UBE4B: variants seen among roughly 807,000 people sequenced by gnomAD.
UBE4B encodes ubiquitin conjugation factor E4 B.
In UBE4B, 27 loss-of-function variants were observed where a neutral mutation model predicts 148.1. The ratio of observed to expected loss-of-function variants is 0.18; its 90% CI spans 0.13 to 0.25. The LOEUF is 0.25. UBE4B is among the 10% of genes least tolerant of loss of function. UBE4B has a pLI of 1.00. For synonymous variants in UBE4B, 596 were observed against 619.3 expected, an observed-to-expected ratio of 0.96 and a Z score of 0.56; for missense variants, 1,170 against 1,662.4, an observed-to-expected ratio of 0.70 and a Z score of 5.15.
At chr1:10,107,263 C>G (rs1645129372) in intron 7 of UBE4B, 1 of 1,289,492 alleles carries the variant, frequency 7.8e-7, no homozygotes, top group Admixed American at 2.3e-5. Flanking sequence ...CTCGCACTTT[C>G]TGGGGACAGT....
chr1:10,089,259 C>G (rs1644810883), intron 2 of UBE4B, among the ~76,000 whole-genome samples: 1 of 152,164 alleles, frequency 6.6e-6, no homozygotes, highest in Non-Finnish European at 1.5e-5. Context: ...CCCACCTTAG[C>G]CTCCCAAAGT....
At chr1:10,124,959 C>G (rs1240214305) in intron 10 of UBE4B, among the ~76,000 whole-genome samples, 2 of 152,118 alleles carry the variant, frequency 1.3e-5, no homozygotes, top group Non-Finnish European at 2.9e-5. Flanking sequence ...AACCCCATCT[C>G]TACTCAAAAT....
chr1:10,090,283 C>T (rs1644825500), intron 2 of UBE4B, among the ~76,000 whole-genome samples: 1 of 152,078 alleles, frequency 6.6e-6, no homozygotes, highest in Non-Finnish European at 1.5e-5. Context: ...TCACGCTTGG[C>T]TCATTTTTGT....
rs551120622 is a variant in UBE4B at position 10,144,973 on chromosome 1, A to G, written c.2397A>G (p.Gln799=). Residue 799 remains glutamine (Q), a synonymous_variant, in exon 18 of 28, where the codon CAA becomes CAG. Coordinates refer to ENST00000343090, the MANE Select transcript of UBE4B (RefSeq NM_001105562.3). ...AAGATTTGAAAAATAATGAAAGCCA[A>G]TGGAAAGATTCCCCACTGGCAACTA... ...TVEDLKNNES[Q]WKDSPLATRH... The G allele has an allele frequency of 3.1e-6, 5 of 1,613,888 alleles. No individual in the cohort carries two copies. Among genetic ancestry groups the G allele is most frequent in the Non-Finnish European group, 4.2e-6 (5 of 1,179,894 alleles).
chr1:10,033,703 G>A lies in UBE4B; in HGVS notation c.24+9G>A. 2 of 1,564,638 alleles carry A rather than the reference G, an allele frequency of 1.3e-6. No homozygotes were observed. The highest frequency in any genetic ancestry group is 1.9e-5 in the Admixed American group (1 of 52,536). ...AGCTGAGCGCTGATGAGGTGAGGAG[G>A]TTGGGGGACACCTTGAGGGATTAGT... On this transcript the variant is annotated intron_variant, in intron 1 of 27. Transcript: ENST00000343090.
chr1:10,112,895 A>T (rs565120518), intron 7 of UBE4B, among the ~76,000 whole-genome samples: 1 of 152,282 alleles, frequency 6.6e-6, no homozygotes, highest in African/African-American at 2.4e-5. Context: ...TAATTTTGAA[A>T]CACATTGACA....
chr1:10,141,393 G>A (rs1442275867), intron 17 of UBE4B, among the ~76,000 whole-genome samples: 1 of 152,044 alleles, frequency 6.6e-6, no homozygotes, highest in Admixed American at 6.6e-5. Context: ...GTGGTTTGGG[G>A]TCATGAGCCA....
intron 16 of UBE4B, among the ~76,000 whole-genome samples, chr1:10,135,920 CTGT>C (rs1006026475): frequency 1.3e-4 from 19 of 151,996 alleles, no homozygotes; most frequent in African/African-American, 3.9e-4. Flanking sequence ...AAATATAATA[CTGT>C]TGTTCTCAAT....
rs1197894051 is a variant in UBE4B at position 10,161,700 on chromosome 1, T to A, written c.3198+414T>A. Among the ~76,000 whole-genome samples, 1 of 152,122 alleles carries A rather than the reference T, an allele frequency of 6.6e-6. No individual in the cohort carries two copies. Among genetic ancestry groups the A allele is most frequent in the African/African-American group, 2.4e-5 (1 of 41,416 alleles). ...AATCACTCAGGATCCTGGCGGGGTG[T>A]TTTTTCCCTTTCAGTTGATCTTGGG... is the stretch of plus-strand genomic sequence containing the variant. On this transcript the variant is annotated intron_variant, in intron 23 of 27. Coordinates refer to ENST00000343090, the MANE Select transcript of UBE4B (RefSeq NM_001105562.3). This position sits in a 1 kb window ranked among gnomAD's most constrained non-coding sequence, Gnocchi z 4.1.
intron 25 of UBE4B, among the ~76,000 whole-genome samples, chr1:10,175,592 A>C (rs1333614639): frequency 6.6e-6 from 1 of 152,120 alleles, no homozygotes. Context: ...TGGAGCTTGC[A>C]GTGAGCCGAG....
intron 10 of UBE4B, among the ~76,000 whole-genome samples, chr1:10,125,122 T>A (rs1421519509): frequency 6.6e-6 from 1 of 152,006 alleles, no homozygotes; most frequent in African/African-American, 2.4e-5. Context: ...TGAAATTGTG[T>A]CTGGAAAAAA....
chr1:10,143,399 TA>T (rs142948257), intron 17 of UBE4B, among the ~76,000 whole-genome samples: 3,126 of 148,402 alleles, frequency 0.021, 100 homozygotes, highest in African/African-American at 0.071. Flanking sequence ...AGGCTCAGTC[TA>T]AAAAAAAAAG....
At chr1:10,148,833 G>A (rs772885179) in intron 19 of UBE4B, among the ~76,000 whole-genome samples, 6 of 151,790 alleles carry the variant, frequency 4.0e-5, no homozygotes, top group Non-Finnish European at 7.4e-5. Flanking sequence ...TCAGCTATTC[G>A]GGAGGCTGAG....
intron 2 of UBE4B, among the ~76,000 whole-genome samples, chr1:10,080,557 G>T (rs1017750034): frequency 1.3e-5 from 2 of 152,156 alleles, no homozygotes; most frequent in African/African-American, 4.8e-5. Flanking sequence ...CAGTCCCACT[G>T]AGTATATATC....
chr1:10,100,803 C>T (rs968648523), intron 3 of UBE4B: 3 of 254,384 alleles, frequency 1.2e-5, no homozygotes, highest in Non-Finnish European at 2.3e-5. Flanking sequence ...ATCCACCTGC[C>T]TTGGCCTCCC....
chr1:10,119,283 TTAAGTA>T (rs1411996159), intron 8 of UBE4B, among the ~76,000 whole-genome samples: 2 of 152,194 alleles, frequency 1.3e-5, no homozygotes, highest in Non-Finnish European at 2.9e-5. Flanking sequence ...TCTAAGGTTC[TTAAGTA>T]TAAGTTTGGT....
intron 13 of UBE4B, 45 bp from the exon 14 acceptor site, chr1:10,130,670 A>T (rs568150403): frequency 1.2e-6 from 2 of 1,612,884 alleles, no homozygotes; most frequent in South Asian, 2.2e-5. Flanking sequence ...ATTCTTTCCC[A>T]AATGTGCATT....
At chr1:10,127,165 A>T (rs1645513754) in intron 11 of UBE4B, among the ~76,000 whole-genome samples, 1 of 152,152 alleles carries the variant, frequency 6.6e-6, no homozygotes, top group African/African-American at 2.4e-5. Context: ...ATCTCCTAGC[A>T]ATGAGCATAC....
Position 10,106,287 on chromosome 1 carries a change from C to T in UBE4B, c.900C>T (p.Ala300=). Residue 300 remains alanine (A), a synonymous_variant, in exon 7 of 28, where the codon GCC becomes GCT. Transcript: ENST00000343090. This position sits in a 1 kb window ranked among gnomAD's most constrained non-coding sequence, Gnocchi z 4.2. ...CTCTTGCCTCACCTTCCCGTGCAGC[C>T]AGCCAGTTGGCTGTGCCTTCCACTC... ...GPSLASPSRA[A]SQLAVPSTPL... is the part of the protein sequence containing the mutation. 1 of 1,614,182 alleles carries T rather than the reference C, an allele frequency of 6.2e-7. No individual in the cohort carries two copies. Among genetic ancestry groups the T allele is most frequent in the Non-Finnish European group, 8.5e-7 (1 of 1,180,030 alleles).
Sources: allele counts gnomAD v4.1 joint callset (sites outside exome capture counted in the v4.1 genomes callset), GRCh38; gene constraint gnomAD v4.1.1; non-coding constraint Gnocchi (gnomAD v3.1); transcripts MANE v1.5; gene names NCBI Gene and HGNC (gene_info 2026-07-23, HGNC 2026-07-21).